Variants in ADGRF1 observed in about 807,000 individuals in gnomAD.
ADGRF1 encodes the protein G protein-coupled receptor 110.
Under a neutral mutation model 87.2 loss-of-function variants are expected in ADGRF1, and 85 were observed. That is an observed-to-expected ratio of 0.97 (90% CI 0.82 to 1.17). ADGRF1 has a LOEUF of 1.17. ADGRF1 is among the 50% of genes most tolerant of loss of function. The probability of loss-of-function intolerance (pLI) is 0.00; values close to 1 mark genes in which losing one functional copy is unlikely to be tolerated. For synonymous variants in ADGRF1, 430 were observed against 408.8 expected (o/e 1.05, Z -0.63); for missense variants, 1,169 against 1,077.2 (o/e 1.09, Z -1.19).
In ADGRF1 at chr6:47,009,477, G is replaced by T; in HGVS notation, c.1958C>A (p.Pro653His). The T allele has an allele frequency of 6.2e-7, 1 of 1,613,882 alleles. No homozygotes were observed. The highest frequency in any genetic ancestry group is 1.1e-5 in the South Asian group (1 of 91,034). Residue 653 changes from proline (P) to histidine (H), a missense_variant, in exon 11 of 15, where the codon CCT becomes CAT. Transcript: ENST00000371253. Reference protein sequence around the residue: ...VGATVDTTVNPSGVCTAAVFF... With the variant: ...VGATVDTTVNHSGVCTAAVFF... ...CACAGCAGCTGTGCAGACTCCAGAA[G>T]GGTTCACCGTGGTGTCCACTGTGGC... is the stretch of plus-strand genomic sequence containing the variant.
intron 4 of ADGRF1, 94 bp downstream of exon 4, chr6:47,025,760 T>C: frequency 1.8e-6 from 2 of 1,081,522 alleles, no homozygotes; most frequent in Non-Finnish European, 2.7e-6. Context: ...ACAGAGATTG[T>C]AGGGATGATT....
At chr6:47,012,647 G>A in intron 9 of ADGRF1, 2 of 988,760 alleles carry the variant, frequency 2.0e-6, no homozygotes, top group Non-Finnish European at 2.4e-6. Context: ...AGGTCTACTG[G>A]TAGTAATCCT....
At position 47,020,502 on chromosome 6, in the gene ADGRF1, CAAAA is replaced by C; in HGVS notation, c.611+225_611+228del. The C allele has an allele frequency of 4.8e-6, 6 of 1,245,506 alleles. No homozygotes were observed. The South Asian group carries it at 6.0e-5, about 12-fold the overall frequency. 77.2% of individuals were successfully genotyped at this position (1,245,506 alleles called of 1,614,324 possible). On this transcript the variant is annotated intron_variant, in intron 7 of 14. Transcript: ENST00000371253. ...TTGGGCGACAAGAGTGACATTCTGT[CAAAA>C]AAAAAAAAAAATTTAAGGTCCTAAA...
At chr6:47,031,271 T>C (rs1420047928) in intron 1 of ADGRF1, among the ~76,000 whole-genome samples, 1 of 129,060 alleles carries the variant, frequency 7.7e-6, no homozygotes, top group Non-Finnish European at 1.6e-5. Context: ...CTCTCTCTCT[T>C]CTCTCTCTCT....
chr6:47,010,378 A>C, intron 10 of ADGRF1, 60 bp from the exon 11 acceptor site: 11 of 1,361,116 alleles, frequency 8.1e-6, no homozygotes, highest in Non-Finnish European at 1.1e-5. Context: ...GAGGACCAGC[A>C]GTGGATAGTC....
In ADGRF1 at chr6:47,006,008, A is replaced by G. The variant is rs966967039; in HGVS notation, c.2533-132T>C. The stretch of plus-strand genomic sequence containing the variant: ...GAAGCAGTTAGTAGACCATGAATGG[A>G]TATCTGGTAGAAAGATTATTTTCTT... On this transcript the variant is annotated intron_variant, in intron 12 of 14. Coordinates refer to ENST00000371253, the MANE Select transcript of ADGRF1 (RefSeq NM_153840.4). 5.5e-6 allele frequency: 3 copies of G among 543,616 alleles called. No individual in the cohort carries two copies. In the African/African-American group the frequency reaches 5.8e-5, roughly 10 times the overall value. The allele number at this position is 543,616 out of a possible 1,614,324, so 33.7% of individuals were successfully genotyped here.
At chr6:47,033,165 T>A (rs116071179) in intron 1 of ADGRF1, among the ~76,000 whole-genome samples, 2,693 of 152,308 alleles carry the variant, frequency 0.018, 75 homozygotes, top group African/African-American at 0.062. Context: ...CTGGGGCCAG[T>A]GATGCCTGAG....
rs377713798 is a variant in ADGRF1, at chr6:47,025,245, C to T, written c.277+609G>A. ...AGTGAATGGGTCTCAAGCTTTATTG[C>T]GACACAGAATCACCTGGAAGATCTC... On this transcript the variant is annotated intron_variant, in intron 4 of 14. Transcript: ENST00000371253. 1.2e-3 allele frequency among the ~76,000 whole-genome samples: 185 copies of T among 152,158 alleles called. 6 individuals are homozygous for T. In the South Asian group the frequency reaches 0.024, roughly 20 times the overall value.
intron 9 of ADGRF1, chr6:47,013,426 GA>G (rs1346544323): frequency 1.0e-6 from 1 of 985,352 alleles, no homozygotes; most frequent in African/African-American, 1.7e-5. Context: ...GTCCTCTGAT[GA>G]ATACTATTCT....
chr6:47,000,377 A>T (rs1421714236), intron 14 of ADGRF1, 82 bp from the exon 15 acceptor site: 3 of 991,796 alleles, frequency 3.0e-6, no homozygotes, highest in Non-Finnish European at 4.6e-6. Context: ...TAGCCTGTAG[A>T]TTATTTCACA....
intron 1 of ADGRF1, among the ~76,000 whole-genome samples, chr6:47,031,798 C>T (rs979637593): frequency 1.3e-5 from 2 of 152,126 alleles, no homozygotes; most frequent in African/African-American, 4.8e-5. Flanking sequence ...GTAGTCATGG[C>T]TCACTGCAGC....
chr6:47,007,209 A>G, intron 12 of ADGRF1, 44 bp downstream of exon 12: 1 of 1,235,750 alleles, frequency 8.1e-7, no homozygotes, highest in South Asian at 1.3e-5. Flanking sequence ...AGGGGGCCTA[A>G]GATGTCTAGG....
chr6:47,020,596 A>G, intron 7 of ADGRF1, 135 bp downstream of exon 7: 1 of 1,529,252 alleles, frequency 6.5e-7, no homozygotes, highest in East Asian at 2.4e-5. Flanking sequence ...ATCCTTGTTC[A>G]CTTAGTAAAA....
intron 11 of ADGRF1, among the ~76,000 whole-genome samples, chr6:47,008,507 A>G (rs572067454): frequency 4.6e-5 from 7 of 152,344 alleles, no homozygotes; most frequent in African/African-American, 1.7e-4. Flanking sequence ...GTATTCCAAT[A>G]AAACTTTATT....
chr6:46,999,927 A>C lies in ADGRF1; in HGVS notation c.*295T>G. On this transcript the variant is annotated 3_prime_UTR_variant, in exon 15 of 15. Transcript: ENST00000371253. Reference sequence around the variant, plus strand: ...CCATGTGAATAATGCTGTTTTATGAAAATAGAAACCATATTTTATGGTCAG... The same window carrying C: ...CCATGTGAATAATGCTGTTTTATGACAATAGAAACCATATTTTATGGTCAG... 1 of 233,394 alleles carries C rather than the reference A, an allele frequency of 4.3e-6. No individual in the cohort carries two copies. The highest frequency in any genetic ancestry group is 5.2e-5 in the Admixed American group (1 of 19,264). The allele number at this position is 233,394 out of a possible 1,614,324, so 14.5% of individuals were successfully genotyped here.
chr6:47,014,797 A>G lies in ADGRF1; in HGVS notation c.811T>C (p.Tyr271His). The change falls in exon 9 of 15, where the codon TAT (tyrosine) becomes CAT (histidine). Residue 271 changes from tyrosine to histidine, a missense_variant. By Grantham distance (83) the Tyr-to-His change is moderately conservative (BLOSUM62 2). Transcript: ENST00000371253. ...TAGCCACTGCTGCAGGGCAGGGTAT[A>G]TTCATCATCCTTGGACCCAAATCCA... ...VFGFGSKDDEYTLPCSSGYRG... is the reference protein window; with the variant it reads ...VFGFGSKDDEHTLPCSSGYRG... The G allele has an allele frequency of 6.2e-7, 1 of 1,613,844 alleles. No individual in the cohort carries two copies. Among genetic ancestry groups the G allele is most frequent in the South Asian group, 1.1e-5 (1 of 91,042 alleles).
chr6:47,024,012 A>G, intron 5 of ADGRF1, 32 bp downstream of exon 5: 2 of 1,590,016 alleles, frequency 1.3e-6, no homozygotes, highest in African/African-American at 2.7e-5. Flanking sequence ...GGGTGGGAGA[A>G]GCCCCAGCCC....
At chr6:47,007,364 AAC>A in intron 11 of ADGRF1, 70 bp from the exon 12 acceptor site, 2 of 881,440 alleles carry the variant, frequency 2.3e-6, no homozygotes, top group South Asian at 1.5e-5. Flanking sequence ...ATTTATATGT[AAC>A]ACTATTCAAT....
At chr6:47,030,749 C>G (rs925865427) in intron 1 of ADGRF1, among the ~76,000 whole-genome samples, 1 of 151,912 alleles carries the variant, frequency 6.6e-6, no homozygotes, top group African/African-American at 2.4e-5. Flanking sequence ...CCTTCCAGCC[C>G]CTTTTCCACT....
Sources: gnomAD v4.1 joint callset for allele counts (sites outside exome capture counted in the v4.1 genomes callset) on GRCh38, gnomAD v4.1.1 for gene constraint, MANE v1.5 for transcripts, NCBI Gene and HGNC (gene_info 2026-07-23, HGNC 2026-07-21) for gene names.